Variants in BMPER observed in about 807,000 individuals in gnomAD.
BMPER encodes BMP binding endothelial regulator.
Under a neutral mutation model 87.3 loss-of-function variants are expected in BMPER, and 45 were observed. The observed-to-expected ratio is 0.52, with a 90% CI of 0.41 to 0.66. BMPER has a LOEUF of 0.66. Among genes scored for constraint, BMPER ranks in the 30% least tolerant of loss-of-function variants. BMPER has a pLI of 0.00. For synonymous variants in BMPER, 326 were observed against 316.2 expected (o/e 1.03, Z -0.33); for missense variants, 784 against 867.5 (o/e 0.90, Z 1.21).
chr7:34,082,587 C>T lies in BMPER; in HGVS notation c.1409-3169C>T, dbSNP rs117993013. ...CAAATTATTCTCTTACTTTGGGGAT[C>T]GTGTTTTATGAATGAGATGTCACGA... On this transcript the variant is annotated intron_variant, in intron 12 of 14. Coordinates refer to ENST00000649409, the MANE Select transcript of BMPER (RefSeq NM_001365308.1). Among the ~76,000 whole-genome samples the T allele has an allele frequency of 2.1e-4, 32 of 152,084 alleles. No individual in the cohort carries two copies. In the South Asian group the frequency reaches 4.8e-3, roughly 23 times the overall value.
intron 6 of BMPER, among the ~76,000 whole-genome samples, chr7:33,999,069 T>C (rs957784713): frequency 1.3e-5 from 2 of 152,258 alleles, no homozygotes; most frequent in Admixed American, 6.5e-5. Flanking sequence ...AGAGATTTCA[T>C]GCGAAGTCAT....
rs376766085 is a variant in BMPER at position 34,089,472 on chromosome 7, G to T, written c.1745+3380G>T. Among the ~76,000 whole-genome samples the T allele has an allele frequency of 2.0e-5, 3 of 152,050 alleles. No individual in the cohort carries two copies. The South Asian group carries it at 6.2e-4, about 32-fold the overall frequency. On this transcript the variant is annotated intron_variant, in intron 13 of 14. Transcript: ENST00000649409. ...AGGTTTTACTTTTGAGATGTCTATGGTTTATTTTATTTTATTTATTTATTT... is the reference window on the plus strand; with the variant it reads ...AGGTTTTACTTTTGAGATGTCTATGTTTTATTTTATTTTATTTATTTATTT...
chr7:34,052,630 A>G (rs1343618087), intron 8 of BMPER, among the ~76,000 whole-genome samples: 1 of 152,222 alleles, frequency 6.6e-6, no homozygotes, highest in Non-Finnish European at 1.5e-5. Flanking sequence ...TGAGTTAATG[A>G]ATCACATCTG....
chr7:34,116,504 C>A (rs920402621), intron 13 of BMPER, among the ~76,000 whole-genome samples: 2 of 152,188 alleles, frequency 1.3e-5, no homozygotes, highest in African/African-American at 4.8e-5. Context: ...CTGAATGACT[C>A]ATTTTTCAGA....
intron 13 of BMPER, among the ~76,000 whole-genome samples, chr7:34,090,379 A>T (rs747818726): frequency 6.6e-6 from 1 of 152,126 alleles, no homozygotes; most frequent in Non-Finnish European, 1.5e-5. Flanking sequence ...TTTTCATCTC[A>T]TATTCATCTC....
intron 13 of BMPER, among the ~76,000 whole-genome samples, chr7:34,131,015 A>G (rs1321005931): frequency 1.3e-5 from 2 of 152,078 alleles, no homozygotes; most frequent in African/African-American, 2.4e-5. Context: ...CTTTTAGGCA[A>G]TTATCTCTGC....
At chr7:33,958,813 T>C (rs1217040727) in intron 3 of BMPER, among the ~76,000 whole-genome samples, 1 of 152,204 alleles carries the variant, frequency 6.6e-6, no homozygotes, top group Non-Finnish European at 1.5e-5. Flanking sequence ...TTATGTGTTC[T>C]ATAGTGCTAA....
intron 6 of BMPER, among the ~76,000 whole-genome samples, chr7:34,038,149 G>A (rs1272868389): frequency 6.6e-6 from 1 of 152,188 alleles, no homozygotes; most frequent in Non-Finnish European, 1.5e-5. Context: ...TTGCAGATAG[G>A]ATTAAGTTAA....
chr7:34,080,804 A>G (rs954765856), intron 12 of BMPER, among the ~76,000 whole-genome samples: 3 of 152,228 alleles, frequency 2.0e-5, no homozygotes, highest in Non-Finnish European at 4.4e-5. Flanking sequence ...AAGATGACTA[A>G]CAGCCTAAGA....
intron 6 of BMPER, among the ~76,000 whole-genome samples, chr7:34,024,347 A>G (rs1289089902): frequency 9.4e-6 from 1 of 105,964 alleles, no homozygotes; most frequent in East Asian, 3.0e-4. Flanking sequence ...GACAGAGCGA[A>G]ACTCTGTCTC....
At chr7:34,080,227 T>C (rs1221480233) in intron 12 of BMPER, among the ~76,000 whole-genome samples, 2 of 152,230 alleles carry the variant, frequency 1.3e-5, no homozygotes, top group African/African-American at 4.8e-5. Flanking sequence ...AATGAAACAT[T>C]TGACAAAGCA....
Position 34,054,927 on chromosome 7 carries a change from C to T in BMPER, c.787-236C>T, listed in dbSNP as rs1047351874. Among the ~76,000 whole-genome samples the T allele has an allele frequency of 2.0e-4, 30 of 152,074 alleles. 1 individual carries two copies. The highest frequency in any genetic ancestry group is 2.0e-3 in the Admixed American group (30 of 15,262). ...GTCTCTGGAACGTGAAATCATAAAT[C>T]CTTGGGAGGTAGGGGTTACGTGCCA... On this transcript the variant is annotated intron_variant, in intron 8 of 14. Transcript: ENST00000649409.
intron 4 of BMPER, among the ~76,000 whole-genome samples, chr7:33,967,609 A>G (rs1168678750): frequency 2.6e-5 from 4 of 152,232 alleles, no homozygotes; most frequent in African/African-American, 7.2e-5. Context: ...TAAATCAACA[A>G]ATATTTGCTG....
chr7:34,041,014 C>T (rs924199543), intron 6 of BMPER, among the ~76,000 whole-genome samples: 4 of 152,156 alleles, frequency 2.6e-5, no homozygotes, highest in South Asian at 2.1e-4. Context: ...AGGGAAGACA[C>T]AAGAGACGTC....
At chr7:34,014,776 G>A (rs1365883) in intron 6 of BMPER, among the ~76,000 whole-genome samples, 29,078 of 151,918 alleles carry the variant, frequency 0.19, 2,818 homozygotes, top group Middle Eastern at 0.26. Context: ...AAATAGTGAA[G>A]TCAGCACAAT....
chr7:33,998,615 C>T (rs536387037), intron 6 of BMPER, among the ~76,000 whole-genome samples: 3 of 152,296 alleles, frequency 2.0e-5, no homozygotes, highest in East Asian at 3.9e-4. Flanking sequence ...AAACCTCTCC[C>T]GTTCAGTTTC....
At chr7:33,907,127 T>A (rs978680474) in intron 2 of BMPER, among the ~76,000 whole-genome samples, 1 of 152,106 alleles carries the variant, frequency 6.6e-6, no homozygotes, top group Non-Finnish European at 1.5e-5. Context: ...ACATCATCCT[T>A]ATAGACGTAA....
intron 13 of BMPER, among the ~76,000 whole-genome samples, chr7:34,129,630 G>GAGAAAGAAAGAA (rs10527738): frequency 0.068 from 3,804 of 56,238 alleles, 259 homozygotes; most frequent in Middle Eastern, 0.081. Flanking sequence ...GAGAGAAAGA[G>GAGAAAGAAAGAA]AGAAAGAAAG....
At chr7:33,996,212 C>T (rs968872212) in intron 6 of BMPER, among the ~76,000 whole-genome samples, 1 of 152,042 alleles carries the variant, frequency 6.6e-6, no homozygotes, top group East Asian at 1.9e-4. Flanking sequence ...CCCAGAGAGT[C>T]CCACCCCCAT....
Sources: gnomAD v4.1 joint callset for allele counts (sites outside exome capture counted in the v4.1 genomes callset) on GRCh38, gnomAD v4.1.1 for gene constraint, MANE v1.5 for transcripts, NCBI Gene and HGNC (gene_info 2026-07-23, HGNC 2026-07-21) for gene names.